The following SPAG16 variants were observed in gnomAD, a reference collection of about 807,000 sequenced individuals.
SPAG16 encodes the protein sperm-associated antigen 16 protein.
In SPAG16, 86 loss-of-function variants were observed where a neutral mutation model predicts 80.4. The observed-to-expected ratio is 1.07, with a 90% CI of 0.90 to 1.28. SPAG16 has a LOEUF of 1.28. SPAG16 is among the 50% of genes most tolerant of loss of function. The pLI is 0.00. For missense variants in SPAG16, 870 were observed against 765.3 expected (o/e 1.14, Z -1.61); for synonymous variants, 294 against 265.9 (o/e 1.11, Z -1.03).
intron 10 of SPAG16, among the ~76,000 whole-genome samples, chr2:213,645,441 G>T (rs2125128724): frequency 6.6e-6 from 1 of 152,194 alleles, no homozygotes; most frequent in South Asian, 2.1e-4. Flanking sequence ...GTTATTCAGG[G>T]ACTAAGGAAT....
chr2:214,285,008 G>A (rs1246087658), intron 15 of SPAG16, among the ~76,000 whole-genome samples: 1 of 152,022 alleles, frequency 6.6e-6, no homozygotes, highest in Non-Finnish European at 1.5e-5. Context: ...GAGATTGTTG[G>A]CTCTATTATA....
Position 213,506,650 on chromosome 2 carries a change from G to A in SPAG16, c.1070+16560G>A, listed in dbSNP as rs560559743. 8.5e-4 allele frequency among the ~76,000 whole-genome samples: 129 copies of A among 152,172 alleles called. 1 individual carries two copies. The highest frequency in any genetic ancestry group is 3.0e-3 in the African/African-American group (124 of 41,496). Reference sequence around the variant, plus strand: ...CCATTTTGAAGACTATTTATCACCTGAACCATGCTGCCATCCCATCTGCTA... The same window carrying A: ...CCATTTTGAAGACTATTTATCACCTAAACCATGCTGCCATCCCATCTGCTA... On this transcript the variant is annotated intron_variant, in intron 10 of 15. Transcript: ENST00000331683.
chr2:213,788,258 A>C (rs975244415), intron 10 of SPAG16, among the ~76,000 whole-genome samples: 1 of 151,974 alleles, frequency 6.6e-6, no homozygotes, highest in African/African-American at 2.4e-5. Flanking sequence ...AATTTTATAT[A>C]GTCAATATAA....
intron 13 of SPAG16, among the ~76,000 whole-genome samples, chr2:214,050,990 G>A (rs932486300): frequency 2.0e-5 from 3 of 152,202 alleles, no homozygotes; most frequent in African/African-American, 4.8e-5. Context: ...TGCCAGGAAC[G>A]TGGGGTTGCT....
At chr2:213,742,047 G>A (rs546005175) in intron 10 of SPAG16, among the ~76,000 whole-genome samples, 41 of 151,442 alleles carry the variant, frequency 2.7e-4, no homozygotes, top group African/African-American at 8.7e-4. Flanking sequence ...TTTAATTGGA[G>A]CATTAAATCA....
At chr2:213,431,154 C>T (rs370772624) in intron 9 of SPAG16, among the ~76,000 whole-genome samples, 47 of 151,872 alleles carry the variant, frequency 3.1e-4, no homozygotes, top group African/African-American at 1.1e-3. Flanking sequence ...AACACAATTA[C>T]CCAAAGGAAG....
At chr2:213,381,244 G>A (rs1466628226) in intron 9 of SPAG16, among the ~76,000 whole-genome samples, 1 of 152,188 alleles carries the variant, frequency 6.6e-6, no homozygotes, top group Non-Finnish European at 1.5e-5. Context: ...AGTACTCCAT[G>A]TAAATGACTG....
chr2:213,863,623 A>G (rs1206851021), intron 11 of SPAG16, among the ~76,000 whole-genome samples: 1 of 152,068 alleles, frequency 6.6e-6, no homozygotes, highest in East Asian at 1.9e-4. Flanking sequence ...TATAAATTAA[A>G]CAGAGCCTTG....
intron 10 of SPAG16, among the ~76,000 whole-genome samples, chr2:213,554,543 C>G (rs1342035248): frequency 6.6e-6 from 1 of 152,010 alleles, no homozygotes; most frequent in Non-Finnish European, 1.5e-5. Context: ...GATACGAGAA[C>G]AGCATGACAA....
chr2:213,332,067 G>A (rs1559418952), intron 5 of SPAG16, among the ~76,000 whole-genome samples: 1 of 151,948 alleles, frequency 6.6e-6, no homozygotes, highest in African/African-American at 2.4e-5. Context: ...AATTTGAAAT[G>A]AAGAAAGCAA....
At chr2:213,966,585 C>T (rs192094595) in intron 12 of SPAG16, among the ~76,000 whole-genome samples, 3 of 152,154 alleles carry the variant, frequency 2.0e-5, no homozygotes, top group Admixed American at 2.0e-4. Flanking sequence ...TATTTCTAAG[C>T]AAGGTGATTA....
chr2:214,221,145 T>C (rs886595917), intron 15 of SPAG16, among the ~76,000 whole-genome samples: 2 of 152,230 alleles, frequency 1.3e-5, no homozygotes, highest in African/African-American at 4.8e-5. Context: ...GAAGTTTAAC[T>C]ACAGTTTGAT....
chr2:213,621,219 AT>A (rs1237802578), intron 10 of SPAG16, among the ~76,000 whole-genome samples: 1 of 152,162 alleles, frequency 6.6e-6, no homozygotes, highest in Non-Finnish European at 1.5e-5. Context: ...AAATATTTAG[AT>A]TGATCTTTTT....
intron 13 of SPAG16, among the ~76,000 whole-genome samples, chr2:214,039,324 G>T (rs1328376970): frequency 6.6e-6 from 1 of 151,988 alleles, no homozygotes; most frequent in Non-Finnish European, 1.5e-5. Context: ...TGTGTCTTTT[G>T]GCTGCATAAA....
At chr2:214,330,737 C>A (rs548202954) in intron 15 of SPAG16, among the ~76,000 whole-genome samples, 1 of 152,304 alleles carries the variant, frequency 6.6e-6, no homozygotes, top group African/African-American at 2.4e-5. Flanking sequence ...CAGCTGAGGG[C>A]TATTCCTGAC....
At chr2:214,393,139 A>T (rs1701184318) in intron 15 of SPAG16, among the ~76,000 whole-genome samples, 1 of 152,230 alleles carries the variant, frequency 6.6e-6, no homozygotes, top group African/African-American at 2.4e-5. Flanking sequence ...GTTAAAATTG[A>T]AGCACAAATA....
intron 10 of SPAG16, among the ~76,000 whole-genome samples, chr2:213,558,251 A>G (rs887774979): frequency 2.6e-5 from 4 of 152,132 alleles, no homozygotes; most frequent in Non-Finnish European, 5.9e-5. Context: ...GGTTCTAAAA[A>G]TTTTAAAAAT....
chr2:213,711,924 T>G (rs1468196153), intron 10 of SPAG16, among the ~76,000 whole-genome samples: 1 of 152,170 alleles, frequency 6.6e-6, no homozygotes, highest in Non-Finnish European at 1.5e-5. Flanking sequence ...TGTGATTAGT[T>G]AAGTATGTTA....
In SPAG16 at chr2:213,340,065, A is replaced by G. The variant is rs535628845; in HGVS notation, c.537-98A>G. On this transcript the variant is annotated intron_variant, in intron 5 of 15. Coordinates refer to ENST00000331683, the MANE Select transcript of SPAG16 (RefSeq NM_024532.5). ...ATAGCAAAATATTTGTTTTCCTATTATCTTTTGAATGGCACAATACTGGAT... is the reference window on the plus strand; with the variant it reads ...ATAGCAAAATATTTGTTTTCCTATTGTCTTTTGAATGGCACAATACTGGAT... 1.8e-5 allele frequency: 13 copies of G among 715,214 alleles called. No individual in the cohort carries two copies. In the African/African-American group the frequency reaches 2.3e-4, roughly 13 times the overall value. 44.3% of individuals were successfully genotyped at this position (715,214 alleles called of 1,614,324 possible).
Sources: allele counts gnomAD v4.1 joint callset (sites outside exome capture counted in the v4.1 genomes callset), GRCh38; gene constraint gnomAD v4.1.1; transcripts MANE v1.5; gene names NCBI Gene and HGNC (gene_info 2026-07-23, HGNC 2026-07-21).